TMEM44: variants seen among roughly 807,000 people sequenced by gnomAD.
TMEM44 encodes transmembrane protein 44.
A neutral mutation model predicts 47.8 loss-of-function variants in TMEM44; 43 were observed. The observed-to-expected ratio is 0.90, with a 90% confidence interval of 0.70 to 1.16. The LOEUF (loss-of-function observed/expected upper bound fraction) is 1.16, where lower values mean the gene tolerates loss of function less well. TMEM44 is among the 50% of genes most tolerant of loss of function. TMEM44 has a pLI of 0.00. For synonymous variants in TMEM44, 277 were observed against 238.8 expected (o/e 1.16, Z -1.48); for missense variants, 568 against 555.2 (o/e 1.02, Z -0.23).
chr3:194,625,728 C>T (rs965381432), intron 3 of TMEM44, among the ~76,000 whole-genome samples, 169 bp downstream of exon 3: 4 of 152,228 alleles, frequency 2.6e-5, no homozygotes, highest in Non-Finnish European at 5.9e-5. Flanking sequence ...GATCTGCCCA[C>T]CTCAGCCTCC....
At chr3:194,601,962 C>T (rs1314989999) in intron 9 of TMEM44, among the ~76,000 whole-genome samples, 5 of 152,168 alleles carry the variant, frequency 3.3e-5, no homozygotes, top group Admixed American at 6.5e-5. Context: ...TCTCCCTCCC[C>T]GTCGCCATCC....
chr3:194,622,140 C>T (rs547728874), intron 5 of TMEM44, among the ~76,000 whole-genome samples: 3 of 152,374 alleles, frequency 2.0e-5, no homozygotes, highest in African/African-American at 4.8e-5. Flanking sequence ...AGCGGTCACA[C>T]GTCCACAGTG....
intron 9 of TMEM44, among the ~76,000 whole-genome samples, chr3:194,596,025 G>A (rs1382336375): frequency 6.6e-6 from 1 of 152,142 alleles, no homozygotes; most frequent in African/African-American, 2.4e-5. Context: ...CGAAAGGTAG[G>A]AGAAGACAGA....
At chr3:194,616,934 T>C (rs1715963169) in intron 6 of TMEM44, 165 bp downstream of exon 6, 1 of 731,824 alleles carries the variant, frequency 1.4e-6, no homozygotes, top group African/African-American at 1.8e-5. Flanking sequence ...AAACTACAAA[T>C]AATTGCATTT....
intron 8 of TMEM44, among the ~76,000 whole-genome samples, chr3:194,604,978 A>G (rs1015363526): frequency 5.9e-5 from 9 of 152,254 alleles, no homozygotes; most frequent in African/African-American, 2.2e-4. Flanking sequence ...GAGTATGTAC[A>G]TTTGAAATCT....
intron 9 of TMEM44, among the ~76,000 whole-genome samples, chr3:194,602,607 A>G (rs1714273310): frequency 6.6e-6 from 1 of 151,538 alleles, no homozygotes; most frequent in Non-Finnish European, 1.5e-5. Context: ...CTTCTCAAAA[A>G]AAAAAAAGAA....
chr3:194,617,299 G>GGA, intron 5 of TMEM44, 30 bp from the exon 6 acceptor site: 10 of 619,734 alleles, frequency 1.6e-5, no homozygotes, highest in Non-Finnish European at 2.1e-5. Flanking sequence ...GGCTGGGCGG[G>GGA]AGAAGCAGCA....
chr3:194,595,218 A>C (rs1261670762), intron 9 of TMEM44, among the ~76,000 whole-genome samples: 1 of 152,224 alleles, frequency 6.6e-6, no homozygotes, highest in African/African-American at 2.4e-5. Context: ...GAGCATTTCC[A>C]CTTGCCCTTA....
Position 194,628,399 on chromosome 3 carries a change from C to A in TMEM44, c.248G>T (p.Arg83Ile). ...LCDTVGALLARQLTIQVFTGA... is the reference protein window; with the variant it reads ...LCDTVGALLAIQLTIQVFTGA... ...CCAACATACCTGGATTGTGAGCTGT[C>A]TGGCCAGAAGAGCCCCGACGGTGTC... The change falls in exon 2 of 10, where the codon AGA becomes ATA. Residue 83 changes from arginine (R) to isoleucine (I), a missense_variant. Transcript: ENST00000347147. 2 of 1,611,746 alleles carry A rather than the reference C, an allele frequency of 1.2e-6. No individual in the cohort carries two copies. The highest frequency in any genetic ancestry group is 2.2e-5 in the South Asian group (2 of 90,552).
chr3:194,624,562 G>C (rs534588989), intron 3 of TMEM44, among the ~76,000 whole-genome samples: 1 of 152,054 alleles, frequency 6.6e-6, no homozygotes, highest in East Asian at 1.9e-4. Flanking sequence ...GGGACCACAG[G>C]CATGCACCAT....
At position 194,588,206 on chromosome 3, in the gene TMEM44, A is replaced by G. The variant is rs954639747; in HGVS notation, c.*323T>C. The G allele has an allele frequency of 3.8e-5, 11 of 289,262 alleles. No homozygotes were observed. Among genetic ancestry groups the G allele is most frequent in the African/African-American group, 2.4e-4 (11 of 45,174 alleles). The allele number at this position is 289,262 out of a possible 1,614,324, so 17.9% of individuals were successfully genotyped here. On this transcript the variant is annotated 3_prime_UTR_variant, in exon 10 of 10. Transcript: ENST00000347147. ...CTGGAACCTAGCAGGTATTCCGTTC[A>G]TGGCTGACTCTCAAGGGAATGAAGG...
intron 9 of TMEM44, among the ~76,000 whole-genome samples, chr3:194,603,246 T>C (rs1714357557): frequency 6.6e-6 from 1 of 152,182 alleles, no homozygotes; most frequent in South Asian, 2.1e-4. Flanking sequence ...TTCACAGACA[T>C]AAAAGCTCAA....
intron 3 of TMEM44, 59 bp downstream of exon 3, chr3:194,625,838 T>G: frequency 1.4e-6 from 2 of 1,447,490 alleles, no homozygotes; most frequent in East Asian, 2.3e-5. Context: ...GAGTAGGCAT[T>G]CGGCGTGCTG....
intron 9 of TMEM44, among the ~76,000 whole-genome samples, chr3:194,600,114 C>T (rs1157731448): frequency 1.3e-5 from 2 of 151,038 alleles, no homozygotes; most frequent in African/African-American, 4.9e-5. Flanking sequence ...TGTTTTCAGA[C>T]AGGGTCTCAC....
chr3:194,624,507 C>T (rs536597932), intron 3 of TMEM44, among the ~76,000 whole-genome samples: 19 of 152,288 alleles, frequency 1.2e-4, no homozygotes, highest in Non-Finnish European at 2.4e-4. Context: ...CAGCCTCCAC[C>T]TCCTGGGCTC....
At chr3:194,600,335 C>G (rs1713936004) in intron 9 of TMEM44, among the ~76,000 whole-genome samples, 1 of 151,984 alleles carries the variant, frequency 6.6e-6, no homozygotes, top group Non-Finnish European at 1.5e-5. Flanking sequence ...GTTGTCCAGG[C>G]TGGTCTTGAA....
chr3:194,623,468 C>A, intron 4 of TMEM44, 61 bp downstream of exon 4: 3 of 1,527,778 alleles, frequency 2.0e-6, no homozygotes, highest in Non-Finnish European at 2.6e-6. Context: ...CCTCATCCCA[C>A]CCTGGGCATT....
intron 9 of TMEM44, among the ~76,000 whole-genome samples, 179 bp downstream of exon 9, chr3:194,604,108 G>C (rs2898608): frequency 0.13 from 19,320 of 152,086 alleles, 2,774 homozygotes; most frequent in African/African-American, 0.36. Context: ...CCTGCCTCAG[G>C]CTCCCCAAGT....
rs1484932028 is a variant in TMEM44 at position 194,617,778 on chromosome 3, T to C, written c.613-509A>G. On this transcript the variant is annotated intron_variant, in intron 5 of 9. Transcript: ENST00000347147. Reference sequence around the variant, plus strand: ...AATCCCCAGTGTCGGAGGTGGGGCCTGGTGGGAGGTGGTTGGGTCATGGGG... The same window carrying C: ...AATCCCCAGTGTCGGAGGTGGGGCCCGGTGGGAGGTGGTTGGGTCATGGGG... 8.5e-6 allele frequency: 6 copies of C among 702,608 alleles called. No homozygotes were observed. In the East Asian group the frequency reaches 1.3e-4, roughly 16 times the overall value. The allele number at this position is 702,608 out of a possible 1,614,324, so 43.5% of individuals were successfully genotyped here. A position where few individuals can be genotyped will look rare whatever the true frequency, so the allele number is the denominator to read the frequency against.
Sources: gnomAD v4.1 joint callset for allele counts (sites outside exome capture counted in the v4.1 genomes callset) on GRCh38, gnomAD v4.1.1 for gene constraint, MANE v1.5 for transcripts, NCBI Gene and HGNC (gene_info 2026-07-23, HGNC 2026-07-21) for gene names.